The following FBXL17 variants were observed in gnomAD, a reference collection of about 807,000 sequenced individuals.
FBXL17 encodes the protein F-box and leucine rich repeat protein 17.
A neutral mutation model predicts 66.2 loss-of-function variants in FBXL17; 22 were observed. That is an observed-to-expected ratio of 0.33 (90% CI 0.24 to 0.47). FBXL17 has a LOEUF of 0.47. Among genes scored for constraint, FBXL17 ranks in the 20% least tolerant of loss-of-function variants. The probability of loss-of-function intolerance (pLI) is 1.00; values close to 1 mark genes in which losing one functional copy is unlikely to be tolerated. For synonymous variants in FBXL17, 474 were observed against 400.5 expected, an observed-to-expected ratio of 1.18 and a Z score of -2.19; for missense variants, 878 against 948.2, an observed-to-expected ratio of 0.93 and a Z score of 0.97.
chr5:107,946,209 C>T lies in FBXL17; in HGVS notation c.1823-65030G>A, dbSNP rs532255055. Among the ~76,000 whole-genome samples the T allele has an allele frequency of 1.1e-3, 155 of 136,446 alleles. 1 individual carries two copies. The highest frequency in any genetic ancestry group is 4.1e-3 in the African/African-American group (146 of 35,990). 89.5% of individuals were successfully genotyped at this position (136,446 alleles called of 152,430 possible). On this transcript the variant is annotated intron_variant, in intron 7 of 8. Transcript: ENST00000542267. ...TAATTAAATTAAGGCATTCTAAGCA[C>T]GATGCCCAAAGTTGTTCTAGTATTA...
intron 6 of FBXL17, among the ~76,000 whole-genome samples, chr5:108,056,118 T>C (rs531459588): frequency 6.6e-6 from 1 of 152,226 alleles, no homozygotes; most frequent in South Asian, 2.1e-4. Flanking sequence ...AGTCAAAATA[T>C]TCCTATTAAT....
chr5:107,879,705 A>G (rs1748721097), intron 8 of FBXL17: 1 of 985,442 alleles, frequency 1.0e-6, no homozygotes, highest in Non-Finnish European at 1.2e-6. Flanking sequence ...TGGCGTGTCT[A>G]TTTAGTTTCA....
chr5:108,347,087 T>C (rs2112467704), intron 4 of FBXL17, among the ~76,000 whole-genome samples: 1 of 152,250 alleles, frequency 6.6e-6, no homozygotes, highest in East Asian at 1.9e-4. Flanking sequence ...CAGGAAAATG[T>C]TATGAGAAAT....
At chr5:108,082,812 A>C (rs1160572945) in intron 6 of FBXL17, among the ~76,000 whole-genome samples, 1 of 152,204 alleles carries the variant, frequency 6.6e-6, no homozygotes, top group African/African-American at 2.4e-5. Context: ...TGCTGTGATC[A>C]TATGTTTGGC....
intron 4 of FBXL17, among the ~76,000 whole-genome samples, chr5:108,319,738 A>T (rs1038671140): frequency 1.3e-5 from 2 of 151,718 alleles, no homozygotes; most frequent in African/African-American, 4.8e-5. Context: ...TCACTTTTTC[A>T]ATTTAACAAT....
intron 4 of FBXL17, among the ~76,000 whole-genome samples, chr5:108,278,125 TA>T (rs1757558253): frequency 1.3e-5 from 2 of 152,000 alleles, no homozygotes; most frequent in Admixed American, 1.3e-4. Flanking sequence ...TGGGAGAGGG[TA>T]AGTGAGGGTC....
chr5:108,281,269 A>C (rs919679166), intron 4 of FBXL17, among the ~76,000 whole-genome samples: 3 of 151,964 alleles, frequency 2.0e-5, no homozygotes, highest in African/African-American at 7.2e-5. Context: ...GTTAAGCCAC[A>C]AAACAAGTCT....
intron 4 of FBXL17, among the ~76,000 whole-genome samples, chr5:108,301,228 A>C (rs1758574432): frequency 6.6e-6 from 1 of 151,754 alleles, no homozygotes; most frequent in South Asian, 2.1e-4. Flanking sequence ...CCAAGTCTTA[A>C]GATAGAGGGG....
intron 7 of FBXL17, among the ~76,000 whole-genome samples, chr5:107,995,940 T>C (rs143118024): frequency 1.3e-5 from 2 of 152,180 alleles, no homozygotes; most frequent in Non-Finnish European, 2.9e-5. Context: ...TGAAACACAG[T>C]GCAGTAGCTG....
At chr5:108,257,282 A>C (rs892221139) in intron 4 of FBXL17, among the ~76,000 whole-genome samples, 9 of 152,178 alleles carry the variant, frequency 5.9e-5, no homozygotes, top group African/African-American at 1.2e-4. Context: ...CTTATCTATA[A>C]AACAGGGATT....
At position 108,381,545 on chromosome 5, in the gene FBXL17, C is replaced by T. The variant is rs186842274; in HGVS notation, c.147G>A (p.Arg49=). The change falls in exon 1 of 9, where the codon CGG becomes CGA. Residue 49 remains arginine, a synonymous_variant. Coordinates refer to ENST00000542267, the MANE Select transcript of FBXL17 (RefSeq NM_001163315.3). ...GCCCGCGGAAGAAGCAGTCCCGGCT[C>T]CGGGGCGCCGCCGGCTGAGGGGGCA... is the stretch of plus-strand genomic sequence containing the variant. ...AKVPPQPAAP[R]SRDCFFRGPC... is the part of the protein sequence containing the mutation. The T allele has an allele frequency of 3.7e-3, 5,224 of 1,427,288 alleles. 147 individuals carry two copies. The African/African-American group carries it at 0.059, about 16-fold the overall frequency. The allele number at this position is 1,427,288 out of a possible 1,614,324, so 88.4% of individuals were successfully genotyped here. A position where few individuals can be genotyped will look rare whatever the true frequency, so the allele number is the denominator to read the frequency against.
intron 4 of FBXL17, among the ~76,000 whole-genome samples, chr5:108,293,098 CA>C (rs1390083749): frequency 7.7e-4 from 71 of 92,536 alleles, no homozygotes; most frequent in Middle Eastern, 5.8e-3. Flanking sequence ...AAAAAAAAAA[CA>C]AAAAAAAAAA....
intron 6 of FBXL17, among the ~76,000 whole-genome samples, chr5:108,176,856 G>A (rs1752811570): frequency 6.6e-6 from 1 of 152,034 alleles, no homozygotes; most frequent in South Asian, 2.1e-4. Context: ...TTCATCTGAG[G>A]ATAAATGCAC....
chr5:107,900,294 A>G (rs1749529661), intron 7 of FBXL17, among the ~76,000 whole-genome samples: 1 of 152,142 alleles, frequency 6.6e-6, no homozygotes, highest in South Asian at 2.1e-4. Flanking sequence ...TCTATCATCT[A>G]CCCACAATAT....
chr5:108,012,998 G>C (rs1055820557), intron 7 of FBXL17, among the ~76,000 whole-genome samples: 1 of 109,686 alleles, frequency 9.1e-6, no homozygotes, highest in African/African-American at 3.5e-5. Context: ...TGGGTAACAA[G>C]AGCGAAACTC....
intron 6 of FBXL17, among the ~76,000 whole-genome samples, chr5:108,030,579 A>G (rs1296236438): frequency 3.3e-5 from 5 of 152,126 alleles, no homozygotes; most frequent in Non-Finnish European, 5.9e-5. Flanking sequence ...TCTACTATTA[A>G]TTAATACAGT....
chr5:108,163,007 C>A (rs936138430), intron 6 of FBXL17, among the ~76,000 whole-genome samples: 1 of 152,100 alleles, frequency 6.6e-6, no homozygotes, highest in Non-Finnish European at 1.5e-5. Flanking sequence ...TTAAAAAATA[C>A]AAATTGTACT....
intron 8 of FBXL17, among the ~76,000 whole-genome samples, chr5:107,871,481 T>G (rs1748452498): frequency 6.6e-6 from 1 of 152,124 alleles, no homozygotes; most frequent in African/African-American, 2.4e-5. Flanking sequence ...ATTAGTGACA[T>G]TTTCATTCCC....
chr5:107,967,280 G>A (rs995521557), intron 7 of FBXL17, among the ~76,000 whole-genome samples: 1 of 151,824 alleles, frequency 6.6e-6, no homozygotes, highest in African/African-American at 2.4e-5. Flanking sequence ...TAGGAAACTA[G>A]ATCTACCTAA....
Sources: gnomAD v4.1 joint callset for allele counts (sites outside exome capture counted in the v4.1 genomes callset) on GRCh38, gnomAD v4.1.1 for gene constraint, MANE v1.5 for transcripts, NCBI Gene and HGNC (gene_info 2026-07-23, HGNC 2026-07-21) for gene names.